Variants in ERC2 observed in about 807,000 individuals in gnomAD.
ERC2 encodes ELKS/RAB6-interacting/CAST family member 2.
ERC2 carries 42 observed loss-of-function variants against 114.8 expected under a neutral mutation model. The ratio of observed to expected loss-of-function variants is 0.37; its 90% CI spans 0.29 to 0.47. ERC2 has a LOEUF of 0.47. Ranked by LOEUF, ERC2 falls within the 20% of genes least tolerant of loss-of-function variation. The pLI, the probability that ERC2 is intolerant of heterozygous loss-of-function variation, is 0.99. For missense variants in ERC2, 939 were observed against 1,150.7 expected (o/e 0.82, Z 2.66); for synonymous variants, 454 against 425.5 (o/e 1.07, Z -0.82).
intron 2 of ERC2, among the ~76,000 whole-genome samples, chr3:56,346,703 G>A (rs2058322126): frequency 6.6e-6 from 1 of 152,128 alleles, no homozygotes. Flanking sequence ...TACTGTCTTA[G>A]TCTATTTGCT....
chr3:56,163,673 T>C (rs1437070215), intron 4 of ERC2, among the ~76,000 whole-genome samples: 1 of 152,112 alleles, frequency 6.6e-6, no homozygotes, highest in East Asian at 1.9e-4. Flanking sequence ...AACATAAGAA[T>C]AGTGACCCCT....
chr3:55,941,735 G>A (rs2066809658), intron 13 of ERC2, among the ~76,000 whole-genome samples: 1 of 151,976 alleles, frequency 6.6e-6, no homozygotes, highest in Non-Finnish European at 1.5e-5. Flanking sequence ...TCTCTTTATG[G>A]GTGACATCCT....
intron 13 of ERC2, among the ~76,000 whole-genome samples, chr3:55,947,117 A>C (rs1378223771): frequency 6.6e-6 from 1 of 152,068 alleles, no homozygotes; most frequent in Admixed American, 6.6e-5. Context: ...TTCACATACA[A>C]ATTCCCATTT....
intron 14 of ERC2, among the ~76,000 whole-genome samples, chr3:55,863,121 A>G (rs548370878): frequency 6.6e-6 from 1 of 152,190 alleles, no homozygotes; most frequent in East Asian, 1.9e-4. Flanking sequence ...CAGAGCCCTG[A>G]CCCTGACAGT....
intron 16 of ERC2, among the ~76,000 whole-genome samples, chr3:55,696,215 G>C (rs138954567): frequency 6.6e-5 from 10 of 152,290 alleles, no homozygotes; most frequent in Admixed American, 3.9e-4. Flanking sequence ...AAGGTAAAAC[G>C]AGTTTTTCTG....
chr3:56,256,147 G>T (rs1200010816), intron 3 of ERC2, among the ~76,000 whole-genome samples: 1 of 152,216 alleles, frequency 6.6e-6, no homozygotes, highest in Non-Finnish European at 1.5e-5. Flanking sequence ...GCTTTAAAGT[G>T]AGCCATTACC....
intron 3 of ERC2, among the ~76,000 whole-genome samples, chr3:56,275,225 T>G (rs2053915670): frequency 6.6e-6 from 1 of 152,318 alleles, no homozygotes; most frequent in Middle Eastern, 3.4e-3. Context: ...GCAGATTTTT[T>G]TATGACCTCC....
chr3:56,247,774 G>C (rs2051818696), intron 3 of ERC2, among the ~76,000 whole-genome samples: 1 of 152,170 alleles, frequency 6.6e-6, no homozygotes, highest in South Asian at 2.1e-4. Context: ...CAAGCTCCTG[G>C]ACCCCTGAGT....
At chr3:56,237,854 T>C (rs1161797054) in intron 3 of ERC2, among the ~76,000 whole-genome samples, 1 of 151,158 alleles carries the variant, frequency 6.6e-6, no homozygotes, top group Non-Finnish European at 1.5e-5. Flanking sequence ...ATGTGAATTA[T>C]ACCCTATTTA....
intron 3 of ERC2, among the ~76,000 whole-genome samples, chr3:56,219,869 C>G (rs1479526779): frequency 6.6e-6 from 1 of 152,044 alleles, no homozygotes; most frequent in Non-Finnish European, 1.5e-5. Context: ...TAAGTTTGGG[C>G]AATTTTTTTC....
intron 17 of ERC2, among the ~76,000 whole-genome samples, chr3:55,572,573 C>T (rs926685689): frequency 2.0e-5 from 3 of 152,188 alleles, no homozygotes; most frequent in African/African-American, 7.2e-5. Flanking sequence ...CTACATGGAG[C>T]ACTTTGTATT....
chr3:55,944,145 C>T (rs1300938493), intron 13 of ERC2, among the ~76,000 whole-genome samples: 1 of 152,190 alleles, frequency 6.6e-6, no homozygotes, highest in East Asian at 1.9e-4. Context: ...CACCCCAAGG[C>T]TTGTCATTTC....
chr3:55,562,540 A>G (rs2056095268), intron 17 of ERC2, among the ~76,000 whole-genome samples: 2 of 152,184 alleles, frequency 1.3e-5, no homozygotes, highest in African/African-American at 4.8e-5. Flanking sequence ...AAGTAAATAC[A>G]GTTTAATTGA....
At chr3:55,570,360 G>A (rs886652337) in intron 17 of ERC2, among the ~76,000 whole-genome samples, 3 of 152,138 alleles carry the variant, frequency 2.0e-5, no homozygotes, top group Admixed American at 6.6e-5. Flanking sequence ...GCATGGTCAC[G>A]GTAGGAAGTT....
chr3:56,322,551 C>G (rs2150426321), intron 2 of ERC2, among the ~76,000 whole-genome samples: 1 of 152,322 alleles, frequency 6.6e-6, no homozygotes, highest in Non-Finnish European at 1.5e-5. Flanking sequence ...GAGAGATAGA[C>G]TAACCTTCTT....
intron 14 of ERC2, among the ~76,000 whole-genome samples, chr3:55,839,094 GA>G (rs983227233): frequency 6.6e-6 from 1 of 151,384 alleles, no homozygotes. Context: ...AAAGGAGTCA[GA>G]AAAAAACTTA....
chr3:55,778,544 A>G (rs2068785510), intron 14 of ERC2, among the ~76,000 whole-genome samples: 1 of 152,214 alleles, frequency 6.6e-6, no homozygotes, highest in African/African-American at 2.4e-5. Context: ...TATAATTATG[A>G]AAGTTCTGTG....
intron 3 of ERC2, among the ~76,000 whole-genome samples, chr3:56,274,582 A>G (rs1209943924): frequency 6.6e-6 from 1 of 152,184 alleles, no homozygotes; most frequent in Non-Finnish European, 1.5e-5. Context: ...GCCAACTATA[A>G]TTGTGATTTG....
At chr3:56,414,387 G>C (rs1009744297) in intron 2 of ERC2, among the ~76,000 whole-genome samples, 1 of 152,168 alleles carries the variant, frequency 6.6e-6, no homozygotes, top group Admixed American at 6.5e-5. Flanking sequence ...CTGGTTCTGT[G>C]GGGGTAGCTC....
Sources: allele counts gnomAD v4.1 joint callset (sites outside exome capture counted in the v4.1 genomes callset), GRCh38; gene constraint gnomAD v4.1.1; transcripts MANE v1.5; gene names NCBI Gene and HGNC (gene_info 2026-07-23, HGNC 2026-07-21).